HSPG2: variants seen among roughly 807,000 people sequenced by gnomAD.
HSPG2 encodes heparan sulfate proteoglycan 2, also known as basement membrane-specific heparan sulfate proteoglycan core protein.
In HSPG2, 278 loss-of-function variants were observed where a neutral mutation model predicts 526.6. The observed-to-expected ratio is 0.53, with a 90% CI of 0.48 to 0.58. The LOEUF (loss-of-function observed/expected upper bound fraction) is 0.58. Ranked by LOEUF, HSPG2 falls within the 20% of genes least tolerant of loss-of-function variation. The pLI, the probability that HSPG2 is intolerant of heterozygous loss-of-function variation, is 0.00. For missense variants in HSPG2, 5,354 were observed against 6,099.5 expected (o/e 0.88, Z 4.07); for synonymous variants, 2,465 against 2,555.4 (o/e 0.96, Z 1.07).
In HSPG2 at chr1:21,854,326, C is replaced by T. The variant is rs1388953300; in HGVS notation, c.6306G>A (p.Leu2102=). The change falls in exon 50 of 97, where the codon CTG becomes CTA. Residue 2102 remains leucine (L), a synonymous_variant. Transcript: ENST00000374695. ...PPHTQVHGSR[L]RLPQVSPADS... is the part of the protein sequence containing the mutation. ...CAGCTGGTGAGACCTGGGGGAGCCG[C>T]AGACGGGAGCCGTGCACCTGGGCCA... 1 of 1,571,266 alleles carries T rather than the reference C, an allele frequency of 6.4e-7. No homozygotes were observed.
At chr1:21,856,821 G>A (rs531169813) in intron 44 of HSPG2, among the ~76,000 whole-genome samples, 194 bp downstream of exon 44, 1 of 152,308 alleles carries the variant, frequency 6.6e-6, no homozygotes, top group Non-Finnish European at 1.5e-5. Flanking sequence ...TGGTCTCCCT[G>A]CCTAGGACGT....
chr1:21,874,078 A>G, intron 28 of HSPG2, 67 bp from the exon 29 acceptor site: 2 of 1,375,352 alleles, frequency 1.5e-6, no homozygotes, highest in Admixed American at 2.0e-5. Flanking sequence ...ATCCTCCTTC[A>G]GGACCAGGGG....
intron 24 of HSPG2, 30 bp from the exon 25 acceptor site, chr1:21,875,777 C>T (rs1004450527): frequency 4.4e-6 from 7 of 1,606,110 alleles, no homozygotes; most frequent in Non-Finnish European, 5.9e-6. Flanking sequence ...TGTGCTCAGC[C>T]CCTGACGTCC....
chr1:21,926,296 C>T (rs1644189233), intron 1 of HSPG2, among the ~76,000 whole-genome samples: 2 of 152,134 alleles, frequency 1.3e-5, no homozygotes, highest in African/African-American at 4.8e-5. Context: ...ACTCAGGGAA[C>T]ATTGACTGGT....
At chr1:21,901,095 CTT>C (rs1219035052) in intron 1 of HSPG2, among the ~76,000 whole-genome samples, 1 of 152,076 alleles carries the variant, frequency 6.6e-6, no homozygotes, top group African/African-American at 2.4e-5. Context: ...CCTTCTCAAA[CTT>C]GAAAAATTCT....
chr1:21,826,373 T>C (rs975019990), intron 91 of HSPG2, among the ~76,000 whole-genome samples: 3 of 152,138 alleles, frequency 2.0e-5, no homozygotes, highest in Admixed American at 2.0e-4. Context: ...CAGCTACTTT[T>C]TGTATTTTTT....
intron 1 of HSPG2, among the ~76,000 whole-genome samples, chr1:21,905,417 G>C (rs573863033): frequency 6.6e-6 from 1 of 152,120 alleles, no homozygotes; most frequent in African/African-American, 2.4e-5. Flanking sequence ...TCCATCACTC[G>C]CTCCACTTCT....
At chr1:21,841,015 C>G in intron 71 of HSPG2, 86 bp downstream of exon 71, 3 of 1,248,756 alleles carry the variant, frequency 2.4e-6, no homozygotes, top group Non-Finnish European at 3.4e-6. Context: ...CACCACCTGC[C>G]CATCCACTAC....
intron 1 of HSPG2, among the ~76,000 whole-genome samples, chr1:21,916,087 C>A (rs1266339819): frequency 6.8e-6 from 1 of 146,812 alleles, no homozygotes; most frequent in Non-Finnish European, 1.5e-5. Context: ...AAAAAAAAGG[C>A]CTGGCACGGT....
chr1:21,921,876 C>T (rs755765841), intron 1 of HSPG2, among the ~76,000 whole-genome samples: 1 of 152,158 alleles, frequency 6.6e-6, no homozygotes, highest in Non-Finnish European at 1.5e-5. Flanking sequence ...AGCCTTCGGC[C>T]CCCTGCACTC....
rs1639314871 is a variant in HSPG2 at position 21,856,018 on chromosome 1, G to A, written c.5576-106C>T. 3.4e-6 allele frequency: 5 copies of A among 1,472,502 alleles called. No homozygotes were observed. The South Asian group carries it at 6.3e-5, about 19-fold the overall frequency. The allele number at this position is 1,472,502 out of a possible 1,614,324, so 91.2% of individuals were successfully genotyped here. A position where few individuals can be genotyped will look rare whatever the true frequency, so the allele number is the denominator to read the frequency against. On this transcript the variant is annotated intron_variant, in intron 44 of 96. Coordinates refer to ENST00000374695, the MANE Select transcript of HSPG2 (RefSeq NM_005529.7). ...TCTGCTTCCAGGCTAGCCCTCCACG[G>A]CCATCTGTGCACACAGGAGCCAGAG...
Position 21,884,693 on chromosome 1 carries a change from G to A in HSPG2, c.1508-19C>T, listed in dbSNP as rs556696218. The stretch of plus-strand genomic sequence containing the variant: ...CAGGGGCCTGCTGGGCGGCATGGGC[G>A]GGGGCTGCAGCCGGCTGTGGTGGGC... On this transcript the variant is annotated intron_variant, in intron 12 of 96. Coordinates refer to ENST00000374695, the MANE Select transcript of HSPG2 (RefSeq NM_005529.7). 42 of 1,610,480 alleles carry A rather than the reference G, an allele frequency of 2.6e-5. No individual in the cohort carries two copies. Among genetic ancestry groups the A allele is most frequent in the Middle Eastern group, 3.3e-4 (2 of 6,032 alleles).
chr1:21,933,696 G>A (rs1301134830), intron 1 of HSPG2, among the ~76,000 whole-genome samples: 1 of 152,236 alleles, frequency 6.6e-6, no homozygotes, highest in Non-Finnish European at 1.5e-5. Context: ...GGGATGGGGG[G>A]GTGGTCCATC....
chr1:21,908,707 T>A, intron 1 of HSPG2: 24 of 457,306 alleles, frequency 5.2e-5, no homozygotes, highest in Non-Finnish European at 6.1e-5. Flanking sequence ...GCCATCAACT[T>A]AAACGACCCC....
At chr1:21,873,116 G>A in intron 30 of HSPG2, 25 bp from the exon 31 acceptor site, 1 of 1,585,752 alleles carries the variant, frequency 6.3e-7, no homozygotes, top group Non-Finnish European at 8.6e-7. Flanking sequence ...AGCCATGGCT[G>A]GAGCCCCAAA....
chr1:21,823,846 T>C (rs1356903776), intron 95 of HSPG2, 127 bp from the exon 96 acceptor site: 1 of 809,696 alleles, frequency 1.2e-6, no homozygotes, highest in Non-Finnish European at 2.1e-6. Context: ...CCCAAGCTCT[T>C]TCTTTCCCCC....
chr1:21,858,321 CT>C lies in HSPG2; in HGVS notation c.5294-937del, dbSNP rs915238354. ...CATGATGCCCCCTGTCTCTTCCTGCCTCATGGCTGCACTCTCTCAGGCTCTT... is the reference window on the plus strand; with the variant it reads ...CATGATGCCCCCTGTCTCTTCCTGCCCATGGCTGCACTCTCTCAGGCTCTT... On this transcript the variant is annotated intron_variant, in intron 42 of 96. Coordinates refer to ENST00000374695, the MANE Select transcript of HSPG2 (RefSeq NM_005529.7). This position sits in a 1 kb window ranked among gnomAD's most constrained non-coding sequence, Gnocchi z 4.2. Among the ~76,000 whole-genome samples the C allele has an allele frequency of 2.0e-5, 3 of 152,230 alleles. No homozygotes were observed. The highest frequency in any genetic ancestry group is 4.4e-5 in the Non-Finnish European group (3 of 68,042).
chr1:21,915,683 G>C (rs903757327), intron 1 of HSPG2, among the ~76,000 whole-genome samples: 1 of 152,182 alleles, frequency 6.6e-6, no homozygotes, highest in African/African-American at 2.4e-5. Flanking sequence ...TGGTGCAATG[G>C]AAATGTTGCG....
In HSPG2 at chr1:21,829,450, A is replaced by G; in HGVS notation, c.11925T>C (p.Pro3975=). 1 of 1,613,300 alleles carries G rather than the reference A, an allele frequency of 6.2e-7. No individual in the cohort carries two copies. The highest frequency in any genetic ancestry group is 8.5e-7 in the Non-Finnish European group (1 of 1,179,814). The change falls in exon 87 of 97, where the codon CCT becomes CCC. Residue 3975 remains proline, a synonymous_variant. Coordinates refer to ENST00000374695, the MANE Select transcript of HSPG2 (RefSeq NM_005529.7). The part of the protein sequence containing the change: ...VLLFSGGKSG[P]VEDFVSLAMV... The stretch of plus-strand genomic sequence containing the variant: ...TCGCCAGGGACACGAAGTCCTCCAC[A>G]GGCCCGCTCTTCCCCCCGCTGAACA...
Sources: allele counts gnomAD v4.1 joint callset (sites outside exome capture counted in the v4.1 genomes callset), GRCh38; gene constraint gnomAD v4.1.1; non-coding constraint Gnocchi (gnomAD v3.1); transcripts MANE v1.5; gene names NCBI Gene and HGNC (gene_info 2026-07-23, HGNC 2026-07-21).